EML6: variants seen among roughly 807,000 people sequenced by gnomAD.
EML6 encodes EMAP like 6.
In EML6, 154 loss-of-function variants were observed where a neutral mutation model predicts 240.1. The ratio of observed to expected loss-of-function variants is 0.64; its 90% CI spans 0.56 to 0.73. EML6 has a LOEUF of 0.73. Among genes scored for constraint, EML6 ranks in the 30% least tolerant of loss-of-function variants. The pLI is 0.00. For synonymous variants in EML6, 1,148 were observed against 899.0 expected (o/e 1.28, Z -4.95); for missense variants, 2,964 against 2,474.6 (o/e 1.20, Z -4.20).
At chr2:54,940,083 A>C (rs757146406) in intron 28 of EML6, among the ~76,000 whole-genome samples, 59 of 152,198 alleles carry the variant, frequency 3.9e-4, no homozygotes, top group Non-Finnish European at 7.9e-4. Context: ...CCAAAATTAG[A>C]AGTAGTTTCT....
intron 21 of EML6, among the ~76,000 whole-genome samples, chr2:54,895,726 A>G (rs1672727626): frequency 6.6e-6 from 1 of 152,052 alleles, no homozygotes; most frequent in Non-Finnish European, 1.5e-5. Flanking sequence ...TTCCAAGCTC[A>G]CTCATGTTGT....
At chr2:54,939,427 T>G (rs192745414) in intron 28 of EML6, among the ~76,000 whole-genome samples, 1 of 152,336 alleles carries the variant, frequency 6.6e-6, no homozygotes, top group East Asian at 1.9e-4. Flanking sequence ...AACTCTCCTT[T>G]CTCTGTCATA....
At chr2:54,852,729 G>A (rs1226207834) in intron 10 of EML6, among the ~76,000 whole-genome samples, 1 of 152,054 alleles carries the variant, frequency 6.6e-6, no homozygotes, top group Non-Finnish European at 1.5e-5. Flanking sequence ...ATTTGATAAT[G>A]CACCAGTATT....
At chr2:54,902,697 C>A (rs916182504) in intron 22 of EML6, among the ~76,000 whole-genome samples, 6 of 152,266 alleles carry the variant, frequency 3.9e-5, no homozygotes, top group African/African-American at 1.4e-4. Context: ...CTGCACCTAG[C>A]TTATTTCTTT....
At chr2:54,867,216 A>C in intron 14 of EML6, 1 of 177,758 alleles carries the variant, frequency 5.6e-6, no homozygotes, top group Non-Finnish European at 1.2e-5. Flanking sequence ...CTTTCCCCTA[A>C]TCCCCTGCTG....
At chr2:54,765,397 T>C (rs1668140314) in intron 2 of EML6, among the ~76,000 whole-genome samples, 1 of 152,210 alleles carries the variant, frequency 6.6e-6, no homozygotes, top group South Asian at 2.1e-4. Context: ...TGAACTGTTC[T>C]CTGGTTGTTT....
chr2:54,870,244 T>A (rs1258574144), intron 15 of EML6, among the ~76,000 whole-genome samples: 1 of 152,130 alleles, frequency 6.6e-6, no homozygotes, highest in Non-Finnish European at 1.5e-5. Flanking sequence ...ATGAAATCTA[T>A]GAATGAAAAT....
At position 54,725,019 on chromosome 2, in the gene EML6, C is replaced by T; in HGVS notation, c.-43C>T. 2.1e-6 allele frequency: 3 copies of T among 1,457,052 alleles called. No individual in the cohort carries two copies. In the South Asian group the frequency reaches 4.1e-5, roughly 20 times the overall value. The allele number at this position is 1,457,052 out of a possible 1,614,324, so 90.3% of individuals were successfully genotyped here. On this transcript the variant is annotated 5_prime_UTR_variant, in exon 2 of 42. Transcript: ENST00000356458. This position sits in a 1 kb window ranked among gnomAD's most constrained non-coding sequence, Gnocchi z 4.3. ...CAGCCCCAGCCTCGGCGAGGACGGC[C>T]CCGGCGCGCGGGGGGGCGGGGGGCG...
At chr2:54,814,508 A>C (rs561783380) in intron 3 of EML6, among the ~76,000 whole-genome samples, 1 of 151,820 alleles carries the variant, frequency 6.6e-6, no homozygotes, top group East Asian at 1.9e-4. Flanking sequence ...CATCTCCCCA[A>C]CCGCCTCCGT....
chr2:54,963,072 A>G (rs972205627), intron 36 of EML6, among the ~76,000 whole-genome samples: 2 of 123,420 alleles, frequency 1.6e-5, no homozygotes, highest in African/African-American at 6.1e-5. Flanking sequence ...TGGGAAGGCA[A>G]TGTTAAAGTT....
intron 2 of EML6, among the ~76,000 whole-genome samples, chr2:54,786,089 A>T (rs1669071247): frequency 6.6e-6 from 1 of 152,012 alleles, no homozygotes; most frequent in Non-Finnish European, 1.5e-5. Context: ...AGCTGAGAGC[A>T]CCCATTGTAG....
In EML6 at chr2:54,742,376, C is replaced by T. The variant is rs182691915; in HGVS notation, c.197+17118C>T. On this transcript the variant is annotated intron_variant, in intron 2 of 41. Coordinates refer to ENST00000356458, the MANE Select transcript of EML6 (RefSeq NM_001039753.4). ...CAGCCTTGCTGCTGAAAGTGCCTTC[C>T]AGGTCTCTGGAATCTGAATTTGTGG... is the stretch of plus-strand genomic sequence containing the variant. Among the ~76,000 whole-genome samples, 3 of 152,288 alleles carry T rather than the reference C, an allele frequency of 2.0e-5. No homozygotes were observed. In the East Asian group the frequency reaches 5.8e-4, roughly 29 times the overall value.
rs1163379455 is a variant in EML6 at position 54,774,989 on chromosome 2, T to C, written c.198-38243T>C. Among the ~76,000 whole-genome samples, 1 of 152,132 alleles carries C rather than the reference T, an allele frequency of 6.6e-6. No individual in the cohort carries two copies. Among genetic ancestry groups the C allele is most frequent in the Non-Finnish European group, 1.5e-5 (1 of 68,032 alleles). Reference sequence around the variant, plus strand: ...GTGTCACATAGAAATTTCCTGAAAATATGATCAAAAAATGAAAAAGCAAAT... The same window carrying C: ...GTGTCACATAGAAATTTCCTGAAAACATGATCAAAAAATGAAAAAGCAAAT... On this transcript the variant is annotated intron_variant, in intron 2 of 41. Coordinates refer to ENST00000356458, the MANE Select transcript of EML6 (RefSeq NM_001039753.4). The surrounding 1 kb of genome is among the most constrained non-coding windows in gnomAD (Gnocchi z 4.1).
At chr2:54,828,546 T>C (rs143410334) in intron 6 of EML6, among the ~76,000 whole-genome samples, 2 of 152,336 alleles carry the variant, frequency 1.3e-5, no homozygotes, top group East Asian at 3.9e-4. Flanking sequence ...TGAAGAAAAG[T>C]TTAAGCAACT....
intron 4 of EML6, among the ~76,000 whole-genome samples, chr2:54,819,436 G>A (rs1366549299): frequency 1.3e-5 from 2 of 152,270 alleles, no homozygotes; most frequent in East Asian, 1.9e-4. Flanking sequence ...TCTTGTCTCT[G>A]GATTGGAAAT....
chr2:54,868,979 C>G, intron 14 of EML6: 1 of 499,704 alleles, frequency 2.0e-6, no homozygotes, highest in South Asian at 4.1e-5. Context: ...TTACAATGTT[C>G]AGTGCCCATG....
intron 2 of EML6, among the ~76,000 whole-genome samples, chr2:54,746,873 G>A (rs1312708301): frequency 6.6e-6 from 1 of 152,042 alleles, no homozygotes; most frequent in Non-Finnish European, 1.5e-5. Flanking sequence ...ACTGTGCCAC[G>A]AGTGATCAGT....
At chr2:54,844,010 T>C in intron 7 of EML6, 37 bp from the exon 8 acceptor site, 2 of 890,124 alleles carry the variant, frequency 2.2e-6, no homozygotes, top group Non-Finnish European at 3.3e-6. Context: ...GTGTGAATAG[T>C]GTGAAGATTT....
chr2:54,879,679 C>T (rs764026418), intron 17 of EML6, 39 bp downstream of exon 17: 14 of 1,211,672 alleles, frequency 1.2e-5, no homozygotes, highest in African/African-American at 4.5e-5. Context: ...CCTGCTGATA[C>T]CACGGTTCAG....
Sources: gnomAD v4.1 joint callset for allele counts (sites outside exome capture counted in the v4.1 genomes callset) on GRCh38, gnomAD v4.1.1 for gene constraint, Gnocchi (gnomAD v3.1) non-coding constraint, MANE v1.5 for transcripts, NCBI Gene and HGNC (gene_info 2026-07-23, HGNC 2026-07-21) for gene names.